EYS: variants seen among roughly 807,000 people sequenced by gnomAD.
EYS encodes EGF-like photoreceptor maintenance factor, also known as protein eyes shut homolog.
EYS carries 250 observed loss-of-function variants against 282.1 expected under a neutral mutation model. The observed-to-expected ratio is 0.89, with a 90% confidence interval of 0.80 to 0.98. The LOEUF (loss-of-function observed/expected upper bound fraction) is 0.98. Ranked by LOEUF, EYS falls within the 50% of genes least tolerant of loss-of-function variation. EYS has a pLI of 0.00. For synonymous variants in EYS, 1,355 were observed against 1,282.9 expected (o/e 1.06, Z -1.20); for missense variants, 4,016 against 3,709.0 (o/e 1.08, Z -2.15).
At chr6:65,226,664 A>G (rs1562034666) in intron 12 of EYS, among the ~76,000 whole-genome samples, 1 of 152,186 alleles carries the variant, frequency 6.6e-6, no homozygotes, top group Non-Finnish European at 1.5e-5. Flanking sequence ...ACCTTCATAT[A>G]TTGTTTATAG....
At chr6:65,330,818 G>T in intron 11 of EYS, 1 of 946,750 alleles carries the variant, frequency 1.1e-6, no homozygotes, top group Non-Finnish European at 1.3e-6. Context: ...TAAACTTTTA[G>T]ATCCCTATAC....
chr6:63,917,684 AG>A (rs1441816555), intron 35 of EYS, among the ~76,000 whole-genome samples: 6 of 152,270 alleles, frequency 3.9e-5, no homozygotes, highest in Admixed American at 3.9e-4. Flanking sequence ...TAGGCAATAA[AG>A]GTAAAATCAA....
chr6:65,419,535 T>C (rs984580578), intron 5 of EYS, among the ~76,000 whole-genome samples: 3 of 151,902 alleles, frequency 2.0e-5, no homozygotes, highest in Non-Finnish European at 4.4e-5. Context: ...TACAATTTTG[T>C]TCATTATGTT....
rs550755954 is a variant in EYS at position 64,634,076 on chromosome 6, C to T, written c.3444-7831G>A. Among the ~76,000 whole-genome samples the T allele has an allele frequency of 3.0e-3, 464 of 152,274 alleles. 2 individuals are homozygous for T. The highest frequency in any genetic ancestry group is 0.01 in the African/African-American group (417 of 41,560). On this transcript the variant is annotated intron_variant, in intron 22 of 42. Coordinates refer to ENST00000503581, the MANE Select transcript of EYS (RefSeq NM_001142800.2). The stretch of plus-strand genomic sequence containing the variant: ...TCAACTCACTTCAACCTCCGCCTCC[C>T]GAGTTCAAGCAATTCTCCTGCCTCA...
intron 2 of EYS, among the ~76,000 whole-genome samples, chr6:65,557,370 T>A (rs1768856978): frequency 6.6e-6 from 1 of 152,194 alleles, no homozygotes; most frequent in Non-Finnish European, 1.5e-5. Context: ...CTACTGCTAC[T>A]GCAGTGGGGC....
intron 14 of EYS, among the ~76,000 whole-genome samples, chr6:64,982,764 ATT>A (rs1399510771): frequency 6.0e-5 from 9 of 151,242 alleles, no homozygotes; most frequent in Non-Finnish European, 1.3e-4. Context: ...AATATTAAAG[ATT>A]TTGTTTATAA....
At chr6:64,049,534 C>T (rs1169768159) in intron 33 of EYS, among the ~76,000 whole-genome samples, 1 of 152,158 alleles carries the variant, frequency 6.6e-6, no homozygotes, top group Non-Finnish European at 1.5e-5. Flanking sequence ...TTAGGTACCA[C>T]TTTGAAAAGC....
intron 22 of EYS, among the ~76,000 whole-genome samples, chr6:64,681,473 T>C (rs936631839): frequency 6.6e-6 from 1 of 152,140 alleles, no homozygotes; most frequent in Non-Finnish European, 1.5e-5. Context: ...CTGTTTGATG[T>C]AGCTCAAAAT....
intron 12 of EYS, among the ~76,000 whole-genome samples, chr6:65,278,052 C>CTTTTCTTTTCTTTTCTTTTCTTTTCTTTT (rs1562067571): frequency 1.4e-5 from 2 of 144,098 alleles, no homozygotes; most frequent in East Asian, 4.1e-4. Context: ...CTTTTCTTTT[C>CTTTTCTTTTCTTTTCTTTTCTTTTCTTTT]TTTTCTTTTT....
intron 22 of EYS, among the ~76,000 whole-genome samples, chr6:64,721,709 T>C (rs980881838): frequency 2.0e-5 from 3 of 152,124 alleles, no homozygotes; most frequent in African/African-American, 7.2e-5. Context: ...AAAGAGAACT[T>C]TAGAGATTAT....
intron 31 of EYS, among the ~76,000 whole-genome samples, chr6:64,082,308 A>G (rs1354082368): frequency 6.6e-6 from 1 of 152,152 alleles, no homozygotes; most frequent in East Asian, 1.9e-4. Context: ...TGCATTGTGA[A>G]ATCAGTGTTT....
intron 12 of EYS, among the ~76,000 whole-genome samples, chr6:65,150,443 G>A (rs986803738): frequency 6.6e-6 from 1 of 151,890 alleles, no homozygotes; most frequent in Middle Eastern, 3.5e-3. Flanking sequence ...CTAATAAGAT[G>A]GATATTTTAA....
At chr6:65,120,589 T>A (rs1775512747) in intron 12 of EYS, among the ~76,000 whole-genome samples, 1 of 152,060 alleles carries the variant, frequency 6.6e-6, no homozygotes, top group African/African-American at 2.4e-5. Flanking sequence ...AGACTATGAT[T>A]CAGTAAGATT....
At chr6:65,208,367 T>C (rs1460084626) in intron 12 of EYS, among the ~76,000 whole-genome samples, 1 of 151,864 alleles carries the variant, frequency 6.6e-6, no homozygotes, top group African/African-American at 2.4e-5. Context: ...AGTAAATTAA[T>C]ATAACTTCTA....
At chr6:65,238,387 T>A (rs919398088) in intron 12 of EYS, among the ~76,000 whole-genome samples, 1 of 151,776 alleles carries the variant, frequency 6.6e-6, no homozygotes, top group African/African-American at 2.4e-5. Context: ...ATCCAAAGCA[T>A]CATCATGATT....
intron 14 of EYS, among the ~76,000 whole-genome samples, chr6:64,974,400 G>C (rs1243223532): frequency 6.7e-6 from 1 of 148,338 alleles, no homozygotes; most frequent in Non-Finnish European, 1.5e-5. Flanking sequence ...TGAGGTGCTT[G>C]TTAAAAATGA....
intron 5 of EYS, among the ~76,000 whole-genome samples, chr6:65,423,350 TA>T (rs1767538268): frequency 6.6e-6 from 1 of 151,918 alleles, no homozygotes; most frequent in African/African-American, 2.4e-5. Context: ...TGCATAAAAT[TA>T]AAAGGCAGGT....
intron 26 of EYS, among the ~76,000 whole-genome samples, chr6:64,496,193 A>G (rs1026424530): frequency 6.6e-6 from 1 of 151,932 alleles, no homozygotes; most frequent in African/African-American, 2.4e-5. Flanking sequence ...TTAACCTGAT[A>G]CCATGGAATA....
At chr6:65,502,833 G>A (rs1766505092) in intron 2 of EYS, among the ~76,000 whole-genome samples, 1 of 151,620 alleles carries the variant, frequency 6.6e-6, no homozygotes, top group Non-Finnish European at 1.5e-5. Flanking sequence ...GGCCACAGAA[G>A]TAAAATCTTC....
Sources: gnomAD v4.1 joint callset for allele counts (sites outside exome capture counted in the v4.1 genomes callset) on GRCh38, gnomAD v4.1.1 for gene constraint, MANE v1.5 for transcripts, NCBI Gene and HGNC (gene_info 2026-07-23, HGNC 2026-07-21) for gene names.